Variants in GPHN observed in about 807,000 individuals in gnomAD.
The protein encoded by GPHN is gephyrin.
Under a neutral mutation model 95.5 loss-of-function variants are expected in GPHN, and 17 were observed. The ratio of observed to expected loss-of-function variants is 0.18; its 90% CI spans 0.12 to 0.27. GPHN has a LOEUF of 0.27. Among genes scored for constraint, GPHN ranks in the 10% least tolerant of loss-of-function variants. GPHN has a pLI of 1.00. For synonymous variants in GPHN, 320 were observed against 322.5 expected, an observed-to-expected ratio of 0.99 and a Z score of 0.08; for missense variants, 660 against 978.1, an observed-to-expected ratio of 0.67 and a Z score of 4.34.
the GPHN span, among the ~76,000 whole-genome samples, chr14:67,480,056 A>T: frequency 1.3e-5 from 2 of 152,198 alleles, no homozygotes; most frequent in African/African-American, 4.8e-5. Context: ...AACGGAAGTA[A>T]TGACCACAGA....
chr14:67,169,398 G>C (rs72717320), intron 21 of GPHN, among the ~76,000 whole-genome samples: 10,047 of 152,256 alleles, frequency 0.066, 352 homozygotes, highest in Middle Eastern at 0.085. Flanking sequence ...TGCAAACTCA[G>C]AGGGACAGCA....
chr14:67,414,568 T>A, the GPHN span, among the ~76,000 whole-genome samples: 3 of 152,114 alleles, frequency 2.0e-5, no homozygotes, highest in Non-Finnish European at 4.4e-5. Context: ...CCCTCTCAGC[T>A]CCTCCCCTTT....
At chr14:66,532,965 G>A (rs1209436968) in intron 1 of GPHN, among the ~76,000 whole-genome samples, 1 of 152,174 alleles carries the variant, frequency 6.6e-6, no homozygotes, top group East Asian at 1.9e-4. Context: ...GTGATCAGAG[G>A]ATAGAGCTTA....
chr14:67,140,664 A>G (rs2080402336), intron 17 of GPHN, among the ~76,000 whole-genome samples: 1 of 152,172 alleles, frequency 6.6e-6, no homozygotes, highest in Non-Finnish European at 1.5e-5. Flanking sequence ...ACCACATTCC[A>G]TGTGATGCTG....
At chr14:67,433,476 G>A in the GPHN span, among the ~76,000 whole-genome samples, 2,226 of 152,146 alleles carry the variant, frequency 0.015, 28 homozygotes, top group Middle Eastern at 0.048. Flanking sequence ...AAACGTGAAA[G>A]AATACAGAGA....
chr14:66,769,794 G>A (rs1162982408), intron 2 of GPHN, among the ~76,000 whole-genome samples: 2 of 152,020 alleles, frequency 1.3e-5, no homozygotes, highest in African/African-American at 4.8e-5. Context: ...GAACATATAC[G>A]TTGCATGTGT....
chr14:66,561,168 A>G (rs1272899034), intron 1 of GPHN, among the ~76,000 whole-genome samples: 10 of 152,252 alleles, frequency 6.6e-5, no homozygotes, highest in Non-Finnish European at 4.4e-5. Flanking sequence ...GGATTTTTGC[A>G]TCAATGTTCA....
the GPHN span, among the ~76,000 whole-genome samples, chr14:67,664,784 G>A: frequency 2.8e-4 from 42 of 152,216 alleles, no homozygotes; most frequent in African/African-American, 8.7e-4. Context: ...CAGATGAGCC[G>A]GGCTTATGGA....
At chr14:67,688,962 G>A in the GPHN span, among the ~76,000 whole-genome samples, 3 of 152,156 alleles carry the variant, frequency 2.0e-5, no homozygotes, top group Non-Finnish European at 4.4e-5. Context: ...CTGAATGAAT[G>A]AATCTTCTGT....
At chr14:66,943,461 G>A (rs909520676) in intron 8 of GPHN, among the ~76,000 whole-genome samples, 6 of 152,190 alleles carry the variant, frequency 3.9e-5, no homozygotes, top group South Asian at 2.1e-4. Context: ...TTATGGAGCA[G>A]GCAAGTCAAA....
intron 11 of GPHN, among the ~76,000 whole-genome samples, chr14:67,071,464 C>T (rs986402954): frequency 6.6e-6 from 1 of 150,950 alleles, no homozygotes; most frequent in Non-Finnish European, 1.5e-5. Flanking sequence ...AGGGGAATAT[C>T]ACACACTGGG....
At chr14:66,532,097 A>G (rs1243943423) in intron 1 of GPHN, among the ~76,000 whole-genome samples, 1 of 152,270 alleles carries the variant, frequency 6.6e-6, no homozygotes, top group Non-Finnish European at 1.5e-5. Context: ...TAAGGGAAAT[A>G]TAATTCCAAG....
At chr14:66,594,936 T>C (rs762937623) in intron 1 of GPHN, among the ~76,000 whole-genome samples, 2 of 152,136 alleles carry the variant, frequency 1.3e-5, no homozygotes, top group Non-Finnish European at 2.9e-5. Context: ...ATATCCAGAA[T>C]ATATGAGGAA....
At chr14:67,685,551 G>A in the GPHN span, among the ~76,000 whole-genome samples, 1 of 151,998 alleles carries the variant, frequency 6.6e-6, no homozygotes, top group Non-Finnish European at 1.5e-5. Context: ...TTGAACTCCT[G>A]GCATCAAACA....
chr14:66,619,360 G>C (rs1409576967), intron 1 of GPHN, among the ~76,000 whole-genome samples: 1 of 152,026 alleles, frequency 6.6e-6, no homozygotes, highest in Non-Finnish European at 1.5e-5. Context: ...AGTTTTTTCA[G>C]ATCCTTACCC....
At chr14:67,285,737 C>A in the GPHN span, among the ~76,000 whole-genome samples, 1 of 152,070 alleles carries the variant, frequency 6.6e-6, no homozygotes. Flanking sequence ...GAGTTCTAGG[C>A]ATTGGAAAGT....
At chr14:66,933,547 A>G (rs559765734) in intron 8 of GPHN, among the ~76,000 whole-genome samples, 4 of 152,236 alleles carry the variant, frequency 2.6e-5, no homozygotes, top group Non-Finnish European at 5.9e-5. Context: ...GAATAATGTT[A>G]AAATCTTGTA....
the GPHN span, among the ~76,000 whole-genome samples, chr14:67,556,922 C>G: frequency 6.6e-6 from 1 of 152,102 alleles, no homozygotes. Context: ...GACAGTTGCT[C>G]TCCTAGGCTG....
At chr14:67,540,064 CCAT>C in the GPHN span, among the ~76,000 whole-genome samples, 1 of 152,046 alleles carries the variant, frequency 6.6e-6, no homozygotes, top group Non-Finnish European at 1.5e-5. Flanking sequence ...TTTTCTGAGG[CCAT>C]GTGGCTCCTG....
Sources: gnomAD v4.1 joint callset for allele counts (sites outside exome capture counted in the v4.1 genomes callset) on GRCh38, gnomAD v4.1.1 for gene constraint, MANE v1.5 for transcripts, NCBI Gene and HGNC (gene_info 2026-07-23, HGNC 2026-07-21) for gene names.